Variants in MACROD2 observed in about 807,000 individuals in gnomAD.
MACROD2 encodes mono-ADP ribosylhydrolase 2, also known as ADP-ribose glycohydrolase MACROD2.
MACROD2 carries 36 observed loss-of-function variants against 70.4 expected under a neutral mutation model. The observed-to-expected ratio is 0.51, with a 90% CI of 0.39 to 0.68. The LOEUF (loss-of-function observed/expected upper bound fraction) is 0.68, where lower values mean the gene tolerates loss of function less well. Ranked by LOEUF, MACROD2 falls within the 30% of genes least tolerant of loss-of-function variation. The probability of loss-of-function intolerance (pLI) is 0.00; values close to 1 mark genes in which losing one functional copy is unlikely to be tolerated. For synonymous variants in MACROD2, 172 were observed against 178.8 expected (o/e 0.96, Z 0.30); for missense variants, 496 against 538.4 (o/e 0.92, Z 0.78).
intron 6 of MACROD2, among the ~76,000 whole-genome samples, chr20:15,368,368 GA>G (rs375458253): frequency 1.2e-4 from 18 of 151,204 alleles, no homozygotes; most frequent in Admixed American, 4.6e-4. Flanking sequence ...TTAGGGGAGA[GA>G]AAAAACACTA....
In MACROD2 at chr20:14,322,202, T is replaced by TATATA. The variant is rs1568553958; in HGVS notation, c.272-171277_272-171276insATATA. On this transcript the variant is annotated intron_variant, in intron 3 of 17. Transcript: ENST00000684519. ...TATATATATATATATATATATATAT[T>TATATA]TTGTATTTTGCAAAGCAACTGGATT... 1.2e-3 allele frequency among the ~76,000 whole-genome samples: 65 copies of TATATA among 53,740 alleles called. 1 individual carries two copies. The highest frequency in any genetic ancestry group is 2.8e-3 in the South Asian group (6 of 2,174). 35.3% of individuals were successfully genotyped at this position (53,740 alleles called of 152,430 possible).
At chr20:14,547,161 C>G (rs6079485) in intron 4 of MACROD2, 33,213 of 244,406 alleles carry the variant, frequency 0.14, 2,939 homozygotes, top group Non-Finnish European at 0.16. Context: ...GTGGTTCACT[C>G]GAAGTCAGAT....
At chr20:14,358,530 C>T (rs1351293367) in intron 3 of MACROD2, among the ~76,000 whole-genome samples, 1 of 151,988 alleles carries the variant, frequency 6.6e-6, no homozygotes, top group Admixed American at 6.6e-5. Context: ...AATCTCGGCT[C>T]ACGGCAACCT....
At chr20:14,262,177 G>A (rs2082106610) in intron 3 of MACROD2, among the ~76,000 whole-genome samples, 1 of 152,184 alleles carries the variant, frequency 6.6e-6, no homozygotes, top group Non-Finnish European at 1.5e-5. Context: ...AAGTTAGGCA[G>A]AGGCTAAGTA....
intron 3 of MACROD2, among the ~76,000 whole-genome samples, chr20:14,272,540 A>G (rs2082205928): frequency 1.3e-5 from 2 of 152,330 alleles, no homozygotes; most frequent in South Asian, 4.1e-4. Context: ...CTGCAAAAAC[A>G]TGCCAAATTG....
intron 3 of MACROD2, among the ~76,000 whole-genome samples, chr20:14,156,006 A>G (rs1476233442): frequency 1.3e-5 from 2 of 152,108 alleles, no homozygotes; most frequent in Non-Finnish European, 2.9e-5. Context: ...TACATAAACT[A>G]CAAAAATTAG....
intron 5 of MACROD2, among the ~76,000 whole-genome samples, chr20:14,693,284 A>C (rs1172872271): frequency 6.6e-6 from 1 of 152,210 alleles, no homozygotes; most frequent in Non-Finnish European, 1.5e-5. Context: ...TCAGGATTTA[A>C]AAGATGAATA....
At chr20:14,424,139 AC>A (rs972048835) in intron 3 of MACROD2, among the ~76,000 whole-genome samples, 110 of 152,318 alleles carry the variant, frequency 7.2e-4, no homozygotes, top group African/African-American at 2.6e-3. Flanking sequence ...GTAATTATAC[AC>A]AAACCAATAA....
intron 3 of MACROD2, among the ~76,000 whole-genome samples, chr20:14,192,233 TG>T (rs2081395164): frequency 6.6e-6 from 1 of 152,162 alleles, no homozygotes; most frequent in East Asian, 1.9e-4. Flanking sequence ...TATTTTTTTT[TG>T]TTTCTCCTAC....
In MACROD2 at chr20:14,693,404, G is replaced by T. The variant is rs2071085364; in HGVS notation, c.418+8445G>T. Among the ~76,000 whole-genome samples, 6 of 152,328 alleles carry T rather than the reference G, an allele frequency of 3.9e-5. No homozygotes were observed. The South Asian group carries it at 1.2e-3, about 32-fold the overall frequency. On this transcript the variant is annotated intron_variant, in intron 5 of 17. Coordinates refer to ENST00000684519, the MANE Select transcript of MACROD2 (RefSeq NM_001351661.2). ...AAAGGTTAATCTCAGAGCTACGGTA[G>T]CTGATGTGCAGAGATGGCAGAATAC...
At chr20:15,166,875 C>T (rs2076388236) in intron 5 of MACROD2, among the ~76,000 whole-genome samples, 1 of 149,666 alleles carries the variant, frequency 6.7e-6, no homozygotes. Flanking sequence ...TAAGTATTAA[C>T]TTATTAAATT....
intron 5 of MACROD2, among the ~76,000 whole-genome samples, chr20:15,229,157 T>C (rs1364182892): frequency 2.0e-5 from 3 of 152,312 alleles, no homozygotes; most frequent in Non-Finnish European, 4.4e-5. Flanking sequence ...ATTCCTAAAA[T>C]TAAAAGTTTA....
chr20:15,623,128 G>A (rs1240498045), intron 8 of MACROD2, among the ~76,000 whole-genome samples: 10 of 152,138 alleles, frequency 6.6e-5, no homozygotes, highest in Admixed American at 6.5e-4. Flanking sequence ...CATGTCACTA[G>A]GAATAGAAGT....
chr20:15,823,544 T>C (rs2063964217), intron 8 of MACROD2, among the ~76,000 whole-genome samples: 1 of 152,170 alleles, frequency 6.6e-6, no homozygotes, highest in South Asian at 2.1e-4. Flanking sequence ...AAATGGTCAT[T>C]TATTTCTTTT....
chr20:15,639,338 G>A (rs537048641), intron 8 of MACROD2, among the ~76,000 whole-genome samples: 9 of 152,286 alleles, frequency 5.9e-5, no homozygotes, highest in South Asian at 2.1e-4. Context: ...GACCTGCATC[G>A]CTTAGTCCTG....
At chr20:14,092,346 TG>T (rs1318465814) in intron 3 of MACROD2, among the ~76,000 whole-genome samples, 5 of 152,190 alleles carry the variant, frequency 3.3e-5, no homozygotes, top group Admixed American at 3.3e-4. Flanking sequence ...CATTTTGTAA[TG>T]GGTCTCAGTG....
chr20:14,892,821 G>A (rs1215560658), intron 5 of MACROD2: 1 of 152,158 alleles, frequency 6.6e-6, no homozygotes, highest in Non-Finnish European at 1.5e-5. Context: ...TGGGACTACA[G>A]GTGTATGCCA....
At chr20:14,530,012 A>G (rs984846075) in intron 4 of MACROD2, among the ~76,000 whole-genome samples, 4 of 152,208 alleles carry the variant, frequency 2.6e-5, no homozygotes, top group Admixed American at 2.0e-4. Context: ...ATACAAGGAT[A>G]TAGGGAAGAG....
chr20:14,613,479 T>C (rs796988219), intron 4 of MACROD2, among the ~76,000 whole-genome samples: 16 of 152,118 alleles, frequency 1.1e-4, no homozygotes, highest in African/African-American at 3.9e-4. Context: ...GAAGGGTGGA[T>C]GAGAGCAGTG....
Sources: gnomAD v4.1 joint callset for allele counts (sites outside exome capture counted in the v4.1 genomes callset) on GRCh38, gnomAD v4.1.1 for gene constraint, MANE v1.5 for transcripts, NCBI Gene and HGNC (gene_info 2026-07-23, HGNC 2026-07-21) for gene names.